ATP8A2: variants seen among roughly 807,000 people sequenced by gnomAD.
ATP8A2 encodes phospholipid-transporting ATPase IB.
Under a neutral mutation model 165.6 loss-of-function variants are expected in ATP8A2, and 100 were observed. The observed-to-expected ratio is 0.60, with a 90% CI of 0.51 to 0.71. The LOEUF is 0.71. Among genes scored for constraint, ATP8A2 ranks in the 30% least tolerant of loss-of-function variants. ATP8A2 has a pLI of 0.00. For synonymous variants in ATP8A2, 543 were observed against 548.8 expected, an observed-to-expected ratio of 0.99 and a Z score of 0.15; for missense variants, 1,227 against 1,479.5, an observed-to-expected ratio of 0.83 and a Z score of 2.80.
chr13:25,538,273 T>C (rs775064042), intron 7 of ATP8A2, among the ~76,000 whole-genome samples: 5 of 152,206 alleles, frequency 3.3e-5, no homozygotes, highest in Admixed American at 2.6e-4. Flanking sequence ...CTCTTTTATG[T>C]GTGTTGACTC....
At chr13:25,481,189 G>GGGAGAGGGAGAC (rs1270772696) in intron 2 of ATP8A2, among the ~76,000 whole-genome samples, 37,595 of 143,252 alleles carry the variant, frequency 0.26, 6,004 homozygotes, top group Middle Eastern at 0.39. Context: ...GAGAGGGAGA[G>GGGAGAGGGAGAC]GGACAGGGAG....
At chr13:25,738,309 T>C (rs1405238767) in intron 25 of ATP8A2, among the ~76,000 whole-genome samples, 1 of 149,438 alleles carries the variant, frequency 6.7e-6, no homozygotes, top group African/African-American at 2.5e-5. Flanking sequence ...TTGATCACAT[T>C]GTCTCTGCTT....
intron 32 of ATP8A2, 111 bp downstream of exon 32, chr13:25,860,971 A>AT: frequency 2.6e-6 from 2 of 762,724 alleles, no homozygotes; most frequent in Non-Finnish European, 2.2e-6. Context: ...CTTCTTTCAG[A>AT]TTTTCTGTGT....
At chr13:25,406,707 C>G (rs1178393390) in intron 1 of ATP8A2, among the ~76,000 whole-genome samples, 1 of 152,220 alleles carries the variant, frequency 6.6e-6, no homozygotes, top group Admixed American at 6.5e-5. Flanking sequence ...CCTCATCTCC[C>G]TCCTGGGGAT....
At chr13:25,690,752 TG>T (rs2042706066) in intron 24 of ATP8A2, among the ~76,000 whole-genome samples, 1 of 152,162 alleles carries the variant, frequency 6.6e-6, no homozygotes, top group East Asian at 1.9e-4. Context: ...TCAGGCACTT[TG>T]GAAAACAGTC....
At chr13:25,947,087 T>G (rs1955233698) in intron 33 of ATP8A2, among the ~76,000 whole-genome samples, 1 of 152,296 alleles carries the variant, frequency 6.6e-6, no homozygotes, top group South Asian at 2.1e-4. Context: ...GTTTTCCAAA[T>G]CTTTGGGTGA....
intron 24 of ATP8A2, among the ~76,000 whole-genome samples, chr13:25,607,912 CT>C (rs1275735471): frequency 6.6e-6 from 1 of 151,982 alleles, no homozygotes; most frequent in Admixed American, 6.6e-5. Context: ...TTTGGTAACT[CT>C]TGTTATAAGG....
intron 33 of ATP8A2, among the ~76,000 whole-genome samples, chr13:25,926,777 A>G (rs1458470745): frequency 6.6e-6 from 1 of 152,224 alleles, no homozygotes; most frequent in Non-Finnish European, 1.5e-5. Flanking sequence ...AGGCTGGAGG[A>G]TCATGTGAGG....
At chr13:25,608,776 A>G (rs1378084024) in intron 24 of ATP8A2, among the ~76,000 whole-genome samples, 1 of 152,192 alleles carries the variant, frequency 6.6e-6, no homozygotes, top group Non-Finnish European at 1.5e-5. Context: ...ACTTTTCAAA[A>G]ATGACCATAC....
intron 24 of ATP8A2, among the ~76,000 whole-genome samples, chr13:25,607,360 T>C (rs1475582183): frequency 1.3e-5 from 2 of 152,224 alleles, no homozygotes; most frequent in Non-Finnish European, 2.9e-5. Context: ...ACTGATGTAC[T>C]GTCAATGATC....
chr13:25,929,260 T>TG (rs1455248980), intron 33 of ATP8A2, among the ~76,000 whole-genome samples: 24 of 152,088 alleles, frequency 1.6e-4, no homozygotes, highest in Admixed American at 1.4e-3. Context: ...GCAGAGCTGG[T>TG]GGGGGCTGCC....
intron 1 of ATP8A2, among the ~76,000 whole-genome samples, chr13:25,465,703 C>CTTTCTTTCTTTCT (rs2035627638): frequency 4.8e-5 from 1 of 20,836 alleles, no homozygotes; most frequent in African/African-American, 1.3e-4. Flanking sequence ...TTCTTTCTTT[C>CTTTCTTTCTTTCT]TTTCTTTCTT....
intron 25 of ATP8A2, among the ~76,000 whole-genome samples, chr13:25,727,802 T>C (rs2043528572): frequency 6.6e-6 from 1 of 152,220 alleles, no homozygotes; most frequent in South Asian, 2.1e-4. Context: ...CTCCCCTTTG[T>C]AATTTCCTAC....
intron 23 of ATP8A2, 97 bp downstream of exon 23, chr13:25,582,054 A>G: frequency 8.1e-7 from 1 of 1,228,200 alleles, no homozygotes; most frequent in Admixed American, 2.6e-5. Context: ...ATTCATTGAC[A>G]GATGATGTTT....
chr13:25,441,047 G>T (rs1348712067), intron 1 of ATP8A2, among the ~76,000 whole-genome samples: 1 of 152,124 alleles, frequency 6.6e-6, no homozygotes, highest in Non-Finnish European at 1.5e-5. Context: ...GTCATCAAAA[G>T]GAAAACTATA....
chr13:25,520,600 T>TG (rs1421904081), intron 2 of ATP8A2, among the ~76,000 whole-genome samples: 34 of 146,924 alleles, frequency 2.3e-4, no homozygotes, highest in African/African-American at 6.2e-4. Context: ...AGTTTTTTTT[T>TG]TTTTTGTTTT....
chr13:25,813,459 A>T (rs1346327125), intron 27 of ATP8A2, among the ~76,000 whole-genome samples: 1 of 120,580 alleles, frequency 8.3e-6, no homozygotes, highest in Non-Finnish European at 1.7e-5. Flanking sequence ...TGATGATGTG[A>T]TATAATATGG....
intron 33 of ATP8A2, among the ~76,000 whole-genome samples, chr13:25,868,959 C>T (rs183667573): frequency 3.3e-5 from 5 of 151,034 alleles, no homozygotes; most frequent in South Asian, 2.1e-4. Flanking sequence ...GTCCCAGCTA[C>T]TCGGAAGGCT....
intron 27 of ATP8A2, among the ~76,000 whole-genome samples, chr13:25,812,078 G>A (rs1179320958): frequency 6.6e-6 from 1 of 151,828 alleles, no homozygotes; most frequent in African/African-American, 2.4e-5. Flanking sequence ...AGGGATCCAT[G>A]ATAACCTCTT....
Sources: gnomAD v4.1 joint callset for allele counts (sites outside exome capture counted in the v4.1 genomes callset) on GRCh38, gnomAD v4.1.1 for gene constraint, MANE v1.5 for transcripts, NCBI Gene and HGNC (gene_info 2026-07-23, HGNC 2026-07-21) for gene names.